Variants in DNAH6 observed in about 807,000 individuals in gnomAD.
The protein encoded by DNAH6 is dynein axonemal heavy chain 6, also known as axonemal beta dynein heavy chain 6.
A neutral mutation model predicts 491.4 loss-of-function variants in DNAH6; 340 were observed. The observed-to-expected ratio is 0.69, with a 90% CI of 0.63 to 0.76. The LOEUF is 0.76. DNAH6 is among the 30% of genes least tolerant of loss of function. DNAH6 has a pLI of 0.00. For synonymous variants in DNAH6, 1,603 were observed against 1,686.1 expected (o/e 0.95, Z 1.21); for missense variants, 4,443 against 4,972.2 (o/e 0.89, Z 3.20).
At chr2:84,774,742 T>C (rs886669118) in intron 64 of DNAH6, among the ~76,000 whole-genome samples, 2 of 152,148 alleles carry the variant, frequency 1.3e-5, no homozygotes, top group African/African-American at 4.8e-5. Flanking sequence ...TATTTTGCAG[T>C]TCTCCTTGTA....
At chr2:84,644,887 T>C (rs1409338964) in intron 33 of DNAH6, among the ~76,000 whole-genome samples, 3 of 152,222 alleles carry the variant, frequency 2.0e-5, no homozygotes, top group Non-Finnish European at 4.4e-5. Flanking sequence ...TTTTGAATAA[T>C]ACTGCAATGA....
At chr2:84,766,380 T>C (rs954928800) in intron 64 of DNAH6, among the ~76,000 whole-genome samples, 2 of 152,186 alleles carry the variant, frequency 1.3e-5, no homozygotes, top group Non-Finnish European at 2.9e-5. Flanking sequence ...TAAAACATTA[T>C]TTTTTAAACA....
At chr2:84,485,744 A>G in the DNAH6 span, among the ~76,000 whole-genome samples, 3 of 152,072 alleles carry the variant, frequency 2.0e-5, no homozygotes, top group Admixed American at 2.0e-4. Flanking sequence ...CTTTACGGCA[A>G]GAGTGGGTCT....
chr2:84,506,429 T>C, the DNAH6 span, among the ~76,000 whole-genome samples: 1 of 152,350 alleles, frequency 6.6e-6, no homozygotes, highest in African/African-American at 2.4e-5. Context: ...GTTTTTTTCT[T>C]GTAAATTTGT....
rs1022066306 is a variant in DNAH6 at position 84,637,390 on chromosome 2, T to C, written c.4821+13T>C. The stretch of plus-strand genomic sequence containing the variant: ...CTTGATTGCAGAGGTGAGCATCACA[T>C]TATAAAGCAGCAGAAATGTAAACTT... On this transcript the variant is annotated intron_variant, in intron 31 of 76. Coordinates refer to ENST00000389394, the MANE Select transcript of DNAH6 (RefSeq NM_001370.2). 2.0e-6 allele frequency: 3 copies of C among 1,508,682 alleles called. No homozygotes were observed. In the African/African-American group the frequency reaches 4.2e-5, roughly 21 times the overall value. The allele number at this position is 1,508,682 out of a possible 1,614,324, so 93.5% of individuals were successfully genotyped here.
intron 62 of DNAH6, among the ~76,000 whole-genome samples, chr2:84,741,227 G>A (rs1467182021): frequency 6.6e-6 from 1 of 152,004 alleles, no homozygotes; most frequent in Non-Finnish European, 1.5e-5. Context: ...CCCAAACTCA[G>A]GCCAAGGATG....
intron 76 of DNAH6, among the ~76,000 whole-genome samples, chr2:84,818,159 GA>G (rs1262569536): frequency 6.6e-6 from 1 of 152,168 alleles, no homozygotes; most frequent in Non-Finnish European, 1.5e-5. Context: ...CTATTTAAAA[GA>G]GGGGTAGTCC....
chr2:84,597,606 A>G (rs1321535422), intron 18 of DNAH6, among the ~76,000 whole-genome samples: 1 of 152,236 alleles, frequency 6.6e-6, no homozygotes, highest in Non-Finnish European at 1.5e-5. Flanking sequence ...CTCTGCTCCC[A>G]GATATATGGC....
chr2:84,464,173 T>C, the DNAH6 span, among the ~76,000 whole-genome samples: 20 of 152,306 alleles, frequency 1.3e-4, no homozygotes, highest in Admixed American at 9.8e-4. Flanking sequence ...TGCTGCATCA[T>C]CATTTACTCC....
intron 59 of DNAH6, among the ~76,000 whole-genome samples, chr2:84,720,315 G>A (rs931892208): frequency 1.8e-5 from 2 of 108,436 alleles, no homozygotes; most frequent in Non-Finnish European, 3.4e-5. Context: ...GTCTCGCTCT[G>A]TCGCCCAGGC....
intron 41 of DNAH6, among the ~76,000 whole-genome samples, chr2:84,677,634 C>T (rs979504849): frequency 2.0e-5 from 3 of 152,230 alleles, no homozygotes; most frequent in African/African-American, 7.2e-5. Flanking sequence ...TCTGTACTCA[C>T]TTCCCTAATA....
intron 64 of DNAH6, among the ~76,000 whole-genome samples, chr2:84,773,110 G>C (rs1675786591): frequency 6.6e-6 from 1 of 151,980 alleles, no homozygotes; most frequent in African/African-American, 2.4e-5. Context: ...CTTAGATTCA[G>C]GTTTCTTAAC....
At chr2:84,587,733 G>A (rs1026089685) in intron 15 of DNAH6, among the ~76,000 whole-genome samples, 27 of 152,116 alleles carry the variant, frequency 1.8e-4, no homozygotes, top group African/African-American at 6.3e-4. Context: ...CCTATTGGGC[G>A]TTTTTTCACC....
At chr2:84,646,767 C>T (rs1241662751) in intron 33 of DNAH6, among the ~76,000 whole-genome samples, 1 of 152,186 alleles carries the variant, frequency 6.6e-6, no homozygotes, top group Non-Finnish European at 1.5e-5. Flanking sequence ...AGCTAGCAGA[C>T]ATGTGACTGA....
At chr2:84,649,944 T>A (rs191532471) in intron 33 of DNAH6, among the ~76,000 whole-genome samples, 350 of 152,272 alleles carry the variant, frequency 2.3e-3, no homozygotes, top group Non-Finnish European at 4.1e-3. Context: ...AACATTTTTT[T>A]AAAAAGATGT....
intron 69 of DNAH6, among the ~76,000 whole-genome samples, chr2:84,797,132 T>A (rs188571035): frequency 2.0e-4 from 30 of 152,334 alleles, no homozygotes; most frequent in African/African-American, 6.5e-4. Flanking sequence ...GCTTTTAGTT[T>A]GGGCAATTAG....
intron 29 of DNAH6, among the ~76,000 whole-genome samples, chr2:84,631,663 A>G (rs1274418516): frequency 6.6e-6 from 1 of 152,140 alleles, no homozygotes; most frequent in East Asian, 1.9e-4. Context: ...ACAAGAAGCC[A>G]AGGAATCCCA....
chr2:84,772,329 G>C (rs1439971334), intron 64 of DNAH6, among the ~76,000 whole-genome samples: 1 of 152,044 alleles, frequency 6.6e-6, no homozygotes, highest in Non-Finnish European at 1.5e-5. Context: ...AATCAGAGAA[G>C]TAAATTCTTC....
chr2:84,739,035 GA>G (rs1558981828), intron 62 of DNAH6, among the ~76,000 whole-genome samples: 1 of 152,114 alleles, frequency 6.6e-6, no homozygotes, highest in Non-Finnish European at 1.5e-5. Flanking sequence ...TCTGGTGGTG[GA>G]AAATTCCCTT....
Sources: gnomAD v4.1 joint callset for allele counts (sites outside exome capture counted in the v4.1 genomes callset) on GRCh38, gnomAD v4.1.1 for gene constraint, MANE v1.5 for transcripts, NCBI Gene and HGNC (gene_info 2026-07-23, HGNC 2026-07-21) for gene names.